RICTOR: variants seen among roughly 807,000 people sequenced by gnomAD.
RICTOR encodes rapamycin-insensitive companion of mTOR.
A neutral mutation model predicts 214.9 loss-of-function variants in RICTOR; 49 were observed. That is an observed-to-expected ratio of 0.23 (90% CI 0.18 to 0.29). The LOEUF (loss-of-function observed/expected upper bound fraction) is 0.29, where lower values mean the gene tolerates loss of function less well. Among genes scored for constraint, RICTOR ranks in the 10% least tolerant of loss-of-function variants. The probability of loss-of-function intolerance (pLI) is 1.00; values close to 1 mark genes in which losing one functional copy is unlikely to be tolerated. For missense variants in RICTOR, 1,625 were observed against 2,047.0 expected (o/e 0.79, Z 3.98); for synonymous variants, 717 against 711.3 (o/e 1.01, Z -0.13).
chr5:38,989,943 C>T (rs1160027425), intron 7 of RICTOR, among the ~76,000 whole-genome samples: 2 of 152,170 alleles, frequency 1.3e-5, no homozygotes, highest in East Asian at 3.9e-4. Context: ...AAGAGTGTGG[C>T]AATTCCTCAA....
chr5:38,965,549 C>A (rs1750143083), intron 15 of RICTOR, among the ~76,000 whole-genome samples: 1 of 151,726 alleles, frequency 6.6e-6, no homozygotes, highest in Non-Finnish European at 1.5e-5. Flanking sequence ...TATAGAGATT[C>A]CTTCATATAA....
intron 3 of RICTOR, among the ~76,000 whole-genome samples, chr5:39,018,054 G>A (rs1755100449): frequency 6.6e-6 from 1 of 152,030 alleles, no homozygotes; most frequent in South Asian, 2.1e-4. Context: ...TAAAAGGTGG[G>A]GGGAACGTTA....
intron 2 of RICTOR, among the ~76,000 whole-genome samples, chr5:39,057,172 AAACAGC>A (rs1327069866): frequency 1.8e-3 from 267 of 152,294 alleles, no homozygotes; most frequent in African/African-American, 6.2e-3. Flanking sequence ...AGGACAAACC[AAACAGC>A]AATTTGAAGG....
At chr5:38,959,719 T>C in intron 21 of RICTOR, 60 bp downstream of exon 21, 1 of 1,088,986 alleles carries the variant, frequency 9.2e-7, no homozygotes, top group Non-Finnish European at 1.4e-6. Flanking sequence ...GCATACCATA[T>C]CTAACTACAT....
chr5:38,972,881 A>G (rs1750903065), intron 10 of RICTOR, among the ~76,000 whole-genome samples: 1 of 151,844 alleles, frequency 6.6e-6, no homozygotes, highest in African/African-American at 2.4e-5. Flanking sequence ...CAAAAAAAAA[A>G]AAAAGAACAA....
At chr5:38,991,201 C>A (rs1315152525) in intron 6 of RICTOR, 126 bp from the exon 7 acceptor site, 1 of 491,598 alleles carries the variant, frequency 2.0e-6, no homozygotes, top group Admixed American at 4.1e-5. Context: ...CAATTTTAAT[C>A]TTTTGCTTAT....
At chr5:38,991,355 A>G (rs1752760587) in intron 6 of RICTOR, among the ~76,000 whole-genome samples, 1 of 152,166 alleles carries the variant, frequency 6.6e-6, no homozygotes, top group Admixed American at 6.5e-5. Context: ...AAATTACTCT[A>G]GAATAGGGCC....
intron 7 of RICTOR, among the ~76,000 whole-genome samples, chr5:38,989,304 G>T (rs573906796): frequency 1.3e-5 from 2 of 152,174 alleles, no homozygotes; most frequent in African/African-American, 4.8e-5. Flanking sequence ...AGGAAAACTG[G>T]CTAGCCGTAT....
intron 7 of RICTOR, among the ~76,000 whole-genome samples, 159 bp downstream of exon 7, chr5:38,990,790 G>C (rs1392391054): frequency 4.2e-4 from 18 of 43,326 alleles, no homozygotes; most frequent in Middle Eastern, 0.013. Flanking sequence ...TGAGATATAT[G>C]AGATATATGA....
At chr5:38,990,709 G>C (rs58353188) in intron 7 of RICTOR, among the ~76,000 whole-genome samples, 30 of 1,610 alleles carry the variant, frequency 0.019, 4 homozygotes, top group East Asian at 0.033. Flanking sequence ...TATCAGATAT[G>C]ATATATATGA....
At chr5:39,062,022 T>C (rs780859354) in intron 2 of RICTOR, among the ~76,000 whole-genome samples, 3 of 152,064 alleles carry the variant, frequency 2.0e-5, no homozygotes, top group Non-Finnish European at 4.4e-5. Context: ...CAAATTGTCA[T>C]GTAAGAATTA....
chr5:38,941,281 A>C lies in RICTOR; in HGVS notation c.*1023T>G, dbSNP rs1747540238. The C allele has an allele frequency of 4.3e-6, 1 of 232,420 alleles. No individual in the cohort carries two copies. 14.4% of individuals were successfully genotyped at this position (232,420 alleles called of 1,614,324 possible). A position where few individuals can be genotyped will look rare whatever the true frequency, so the allele number is the denominator to read the frequency against. On this transcript the variant is annotated 3_prime_UTR_variant, in exon 38 of 38. Transcript: ENST00000357387. ...ACTGCTGCTTTAAAATTTGGTACTT[A>C]AGGCTTTTCACTACAATTTTTCTCA... is the stretch of plus-strand genomic sequence containing the variant.
intron 2 of RICTOR, among the ~76,000 whole-genome samples, chr5:39,067,539 T>C (rs1268175522): frequency 3.3e-5 from 5 of 152,220 alleles, no homozygotes; most frequent in African/African-American, 1.2e-4. Flanking sequence ...TATTGATTCC[T>C]ACCCTATGAT....
At chr5:38,946,262 T>C (rs1748178471) in intron 33 of RICTOR, among the ~76,000 whole-genome samples, 1 of 152,204 alleles carries the variant, frequency 6.6e-6, no homozygotes, top group Admixed American at 6.5e-5. Context: ...GTTGAGTACT[T>C]CACTGAAAAC....
chr5:39,024,725 A>G (rs760500661), intron 2 of RICTOR, among the ~76,000 whole-genome samples: 1 of 152,240 alleles, frequency 6.6e-6, no homozygotes, highest in Non-Finnish European at 1.5e-5. Context: ...ATGATCTAAC[A>G]GGACTAATAG....
At chr5:39,072,100 T>C (rs535773291) in intron 2 of RICTOR, among the ~76,000 whole-genome samples, 1 of 152,316 alleles carries the variant, frequency 6.6e-6, no homozygotes, top group African/African-American at 2.4e-5. Context: ...GATTTAGAAA[T>C]ACAGATCTCA....
At chr5:38,958,570 T>G (rs781140085) in intron 23 of RICTOR, 51 bp from the exon 24 acceptor site, 2 of 1,548,702 alleles carry the variant, frequency 1.3e-6, no homozygotes, top group East Asian at 2.3e-5. Flanking sequence ...ATAGCAAAAT[T>G]TTTAGTTCCA....
intron 2 of RICTOR, among the ~76,000 whole-genome samples, chr5:39,039,468 G>A (rs1431774786): frequency 2.6e-5 from 4 of 152,108 alleles, no homozygotes; most frequent in Non-Finnish European, 4.4e-5. Flanking sequence ...TGACAAATGG[G>A]ATCTAATTAA....
chr5:39,014,792 C>G (rs1754816026), intron 3 of RICTOR, among the ~76,000 whole-genome samples: 1 of 152,174 alleles, frequency 6.6e-6, no homozygotes, highest in South Asian at 2.1e-4. Flanking sequence ...GATCACATCA[C>G]TAGCTCCGTT....
Sources: allele counts gnomAD v4.1 joint callset (sites outside exome capture counted in the v4.1 genomes callset), GRCh38; gene constraint gnomAD v4.1.1; transcripts MANE v1.5; gene names NCBI Gene and HGNC (gene_info 2026-07-23, HGNC 2026-07-21).